The following SLC30A7 variants were observed in gnomAD, a reference collection of about 807,000 sequenced individuals.
SLC30A7 encodes solute carrier family 30 member 7, also known as zinc transporter 7.
Under a neutral mutation model 46.0 loss-of-function variants are expected in SLC30A7, and 35 were observed. The ratio of observed to expected loss-of-function variants is 0.76; its 90% CI spans 0.58 to 1.01. SLC30A7 has a LOEUF of 1.01. Among genes scored for constraint, SLC30A7 ranks in the 50% least tolerant of loss-of-function variants. The pLI is 0.00. For missense variants in SLC30A7, 464 were observed against 451.1 expected (o/e 1.03, Z -0.26); for synonymous variants, 147 against 157.8 (o/e 0.93, Z 0.51).
At chr1:100,907,032 A>T in intron 3 of SLC30A7, 67 bp downstream of exon 3, 1 of 1,039,832 alleles carries the variant, frequency 9.6e-7, no homozygotes. Context: ...CACTAATCTT[A>T]AGCTCAGTGA....
intron 5 of SLC30A7, among the ~76,000 whole-genome samples, chr1:100,913,252 G>A (rs1382080021): frequency 6.6e-6 from 1 of 152,136 alleles, no homozygotes; most frequent in East Asian, 1.9e-4. Flanking sequence ...CTTTGTTAGT[G>A]TGTGTAATAG....
chr1:100,905,765 C>T (rs1651620736), intron 2 of SLC30A7, among the ~76,000 whole-genome samples: 1 of 152,030 alleles, frequency 6.6e-6, no homozygotes, highest in African/African-American at 2.4e-5. Flanking sequence ...TAGTTTTTAT[C>T]TGCAGAAATT....
At chr1:100,915,202 T>C (rs1435095053) in intron 6 of SLC30A7, among the ~76,000 whole-genome samples, 2 of 99,192 alleles carry the variant, frequency 2.0e-5, no homozygotes, top group African/African-American at 7.5e-5. Flanking sequence ...CTTTTCTTTC[T>C]TTCTTTCTTT....
the SLC30A7 span, chr1:100,990,364 A>G: frequency 2.6e-6 from 4 of 1,562,596 alleles, no homozygotes; most frequent in Non-Finnish European, 3.5e-6. Flanking sequence ...ATATCAATCC[A>G]TATATGGCTG....
At chr1:100,900,640 A>C (rs566620052) in intron 2 of SLC30A7, among the ~76,000 whole-genome samples, 3 of 152,298 alleles carry the variant, frequency 2.0e-5, no homozygotes, top group African/African-American at 7.2e-5. Flanking sequence ...AAGGGACTAT[A>C]TAATGGAATG....
chr1:100,922,034 A>T (rs996313040), intron 8 of SLC30A7, among the ~76,000 whole-genome samples, 193 bp downstream of exon 8: 1 of 136,466 alleles, frequency 7.3e-6, no homozygotes, highest in South Asian at 2.2e-4. Context: ...GCTCATAGCC[A>T]TCTCTGCCTC....
chr1:100,958,145 G>A (rs1375351548), intron 8 of SLC30A7, among the ~76,000 whole-genome samples: 1 of 151,880 alleles, frequency 6.6e-6, no homozygotes, highest in Non-Finnish European at 1.5e-5. Context: ...AAATGTTACA[G>A]TGGATGGCCT....
At chr1:100,950,985 A>C (rs1404303164) in intron 8 of SLC30A7, among the ~76,000 whole-genome samples, 5 of 152,222 alleles carry the variant, frequency 3.3e-5, no homozygotes, top group East Asian at 1.9e-4. Flanking sequence ...TAAGTTGCTG[A>C]GTAACTCGGG....
At chr1:100,993,559 A>AATAAATATATATAT in the SLC30A7 span, among the ~76,000 whole-genome samples, 3 of 56,546 alleles carry the variant, frequency 5.3e-5, no homozygotes, top group African/African-American at 1.9e-4. Flanking sequence ...CGAAAATATA[A>AATAAATATATATAT]ATATATATAT....
intron 8 of SLC30A7, among the ~76,000 whole-genome samples, chr1:100,936,358 C>T (rs1653966847): frequency 6.6e-6 from 1 of 152,082 alleles, no homozygotes; most frequent in East Asian, 1.9e-4. Flanking sequence ...ATATGGGTAT[C>T]CCCAAGGGTA....
At chr1:100,925,986 G>T (rs1653274912) in intron 8 of SLC30A7, among the ~76,000 whole-genome samples, 1 of 152,206 alleles carries the variant, frequency 6.6e-6, no homozygotes, top group South Asian at 2.1e-4. Context: ...CCCTCAGTAT[G>T]GTACTCCTGC....
In SLC30A7 at chr1:100,978,660, G is replaced by C. The variant is rs1196605970; in HGVS notation, c.*3803G>C. 1.3e-5 allele frequency: 2 copies of C among 152,112 alleles called. No individual in the cohort carries two copies. Among genetic ancestry groups the C allele is most frequent in the African/African-American group, 2.4e-5 (1 of 41,440 alleles). 9.4% of individuals were successfully genotyped at this position (152,112 alleles called of 1,614,324 possible). On this transcript the variant is annotated 3_prime_UTR_variant, in exon 11 of 11. Coordinates refer to ENST00000357650, the MANE Select transcript of SLC30A7 (RefSeq NM_133496.5). ...ATGCTGCCTCTCCAGTGTAATATTT[G>C]CCTTTCTGTAAATGGGATTAAATAT...
At chr1:100,983,511 C>A, downstream of SLC30A7, among the ~76,000 whole-genome samples, 1 of 151,876 alleles carries the variant, frequency 6.6e-6, no homozygotes, top group East Asian at 1.9e-4. Context: ...CATAGTCTGG[C>A]ACAGTGTAGG....
the SLC30A7 span, chr1:100,990,436 G>C: frequency 6.2e-7 from 1 of 1,614,008 alleles, no homozygotes; most frequent in South Asian, 1.1e-5. Flanking sequence ...TTGAGATTCT[G>C]AGCTATTTTC....
the SLC30A7 span, chr1:100,995,158 A>G: frequency 2.6e-6 from 4 of 1,550,410 alleles, no homozygotes; most frequent in Non-Finnish European, 3.6e-6. Flanking sequence ...GTCTGTAGGA[A>G]GTAAAAATAG....
At chr1:100,989,515 T>C in the SLC30A7 span, 1 of 152,356 alleles carries the variant, frequency 6.6e-6, no homozygotes, top group South Asian at 2.1e-4. Flanking sequence ...GATGGAAATG[T>C]AATCTTTCTA....
At chr1:100,987,458 T>G in the SLC30A7 span, among the ~76,000 whole-genome samples, 4 of 152,202 alleles carry the variant, frequency 2.6e-5, no homozygotes, top group Admixed American at 2.6e-4. Flanking sequence ...ACAATTTCTT[T>G]CATGTGTCAT....
intron 10 of SLC30A7, among the ~76,000 whole-genome samples, chr1:100,972,058 A>G (rs571081621): frequency 2.0e-5 from 3 of 152,286 alleles, no homozygotes; most frequent in Admixed American, 6.5e-5. Context: ...ATATGCAGTG[A>G]GTACTATATG....
At chr1:100,965,649 C>T (rs1263834603) in intron 9 of SLC30A7, 120 bp from the exon 10 acceptor site, 3 of 786,574 alleles carry the variant, frequency 3.8e-6, no homozygotes, top group South Asian at 3.3e-5. Flanking sequence ...CAAACATCCT[C>T]CTTTCCTTTT....
Sources: gnomAD v4.1 joint callset for allele counts (sites outside exome capture counted in the v4.1 genomes callset) on GRCh38, gnomAD v4.1.1 for gene constraint, MANE v1.5 for transcripts, NCBI Gene and HGNC (gene_info 2026-07-23, HGNC 2026-07-21) for gene names.